ITIH5: variants seen among roughly 807,000 people sequenced by gnomAD.
ITIH5 encodes inter-alpha-trypsin inhibitor heavy chain H5.
A neutral mutation model predicts 77.5 loss-of-function variants in ITIH5; 65 were observed. The observed-to-expected ratio is 0.84, with a 90% CI of 0.69 to 1.03. The LOEUF (loss-of-function observed/expected upper bound fraction) is 1.03, where lower values mean the gene tolerates loss of function less well. Among genes scored for constraint, ITIH5 ranks in the 50% least tolerant of loss-of-function variants. The pLI, the probability that ITIH5 is intolerant of heterozygous loss-of-function variation, is 0.00. For missense variants in ITIH5, 1,208 were observed against 1,213.1 expected (o/e 1.00, Z 0.06); for synonymous variants, 525 against 494.3 (o/e 1.06, Z -0.82).
At chr10:7,573,673 CAA>C (rs35214432) in intron 10 of ITIH5, among the ~76,000 whole-genome samples, 1 of 109,768 alleles carries the variant, frequency 9.1e-6, no homozygotes, top group Non-Finnish European at 1.7e-5. Flanking sequence ...GAGACTGTCT[CAA>C]AAAAAAAAAA....
In ITIH5 at chr10:7,579,973, G is replaced by T. The variant is rs762123197; in HGVS notation, c.1200C>A (p.Leu400=). Reference sequence around the variant, plus strand: ...GCTTCCCATCCGTCAGGAAGACGATGAGGGACACGCTCCGGTCTCCAATGC... The same window carrying T: ...GCTTCCCATCCGTCAGGAAGACGATTAGGGACACGCTCCGGTCTCCAATGC... ...HSGIGDRSVS[L]IVFLTDGKPT... The change falls in exon 9 of 14, where the codon CTC becomes CTA. Residue 400 remains leucine, a synonymous_variant. Coordinates refer to ENST00000397146, the MANE Select transcript of ITIH5 (RefSeq NM_030569.7). 1 of 1,614,186 alleles carries T rather than the reference G, an allele frequency of 6.2e-7. No individual in the cohort carries two copies. Among genetic ancestry groups the T allele is most frequent in the Non-Finnish European group, 8.5e-7 (1 of 1,180,024 alleles).
At chr10:7,610,935 G>A (rs1440358532) in intron 7 of ITIH5, among the ~76,000 whole-genome samples, 2 of 152,202 alleles carry the variant, frequency 1.3e-5, no homozygotes, top group African/African-American at 4.8e-5. Context: ...AAGGAAGAGG[G>A]GAGAATAACA....
Position 7,561,154 on chromosome 10 carries a change from T to C in ITIH5, c.*1929A>G, listed in dbSNP as rs1832033097. The C allele has an allele frequency of 6.6e-6, 1 of 152,256 alleles. No individual in the cohort carries two copies. The highest frequency in any genetic ancestry group is 2.1e-4 in the South Asian group (1 of 4,836). 9.4% of individuals were successfully genotyped at this position (152,256 alleles called of 1,614,324 possible). ...AAGCTCAACTTTGTTACTTATGTTT[T>C]TCTGAGCAAGCAAGTTAGCTATGGA... On this transcript the variant is annotated 3_prime_UTR_variant, in exon 14 of 14. Transcript: ENST00000397146.
chr10:7,644,752 C>CACATATCTATATCACATATATATCAT lies in ITIH5; in HGVS notation c.136-2663_136-2662insATGATATATATGTGATATAGATATGT, dbSNP rs1554757743. Among the ~76,000 whole-genome samples the CACATATCTATATCACATATATATCAT allele has an allele frequency of 6.6e-5, 8 of 121,110 alleles. 3 individuals carry two copies. Among genetic ancestry groups the CACATATCTATATCACATATATATCAT allele is most frequent in the African/African-American group, 1.2e-4 (3 of 26,022 alleles). 79.5% of individuals were successfully genotyped at this position (121,110 alleles called of 152,430 possible). On this transcript the variant is annotated intron_variant, in intron 2 of 13. Coordinates refer to ENST00000397146, the MANE Select transcript of ITIH5 (RefSeq NM_030569.7). Reference sequence around the variant, plus strand: ...ACATATCTATATCACATATATATCACATATATCACATATATATCATATATA... The same window carrying CACATATCTATATCACATATATATCAT: ...ACATATCTATATCACATATATATCACACATATCTATATCACATATATATCATATATATCACATATATATCATATATA...
At chr10:7,612,972 C>T (rs965565697) in intron 7 of ITIH5, among the ~76,000 whole-genome samples, 17 of 152,130 alleles carry the variant, frequency 1.1e-4, no homozygotes, top group African/African-American at 3.4e-4. Context: ...GGGCCGGGCG[C>T]GGTGGCTCAT....
At chr10:7,579,709 C>T (rs767987841) in intron 9 of ITIH5, 46 bp downstream of exon 9, 1 of 1,585,480 alleles carries the variant, frequency 6.3e-7, no homozygotes, top group African/African-American at 1.3e-5. Context: ...AGCCACCCCT[C>T]AGCCCCTCAA....
rs768036183 is a variant in ITIH5 at position 7,666,931 on chromosome 10, G to T, written c.-39C>A. On this transcript the variant is annotated 5_prime_UTR_variant, in exon 1 of 14. Coordinates refer to ENST00000397146, the MANE Select transcript of ITIH5 (RefSeq NM_030569.7). ...CGCGGGACGCTCGGGGACCCGGCGG[G>T]ACACGCTTTGCAGCGCCCAGGGCTC... is the stretch of plus-strand genomic sequence containing the variant. The T allele has an allele frequency of 2.0e-6, 3 of 1,529,090 alleles. No individual in the cohort carries two copies. Among genetic ancestry groups the T allele is most frequent in the Non-Finnish European group, 1.8e-6 (2 of 1,128,596 alleles). 94.7% of individuals were successfully genotyped at this position (1,529,090 alleles called of 1,614,324 possible).
intron 5 of ITIH5, among the ~76,000 whole-genome samples, chr10:7,624,010 T>C (rs778420374): frequency 6.6e-6 from 1 of 152,138 alleles, no homozygotes; most frequent in Non-Finnish European, 1.5e-5. Flanking sequence ...CTGTAGTATT[T>C]TATAGTTAAG....
intron 1 of ITIH5, among the ~76,000 whole-genome samples, chr10:7,661,811 C>T (rs947223066): frequency 6.6e-6 from 1 of 152,128 alleles, no homozygotes; most frequent in African/African-American, 2.4e-5. Flanking sequence ...GGTGATCCTC[C>T]CACCTCAGCC....
chr10:7,569,010 C>CTTTTTTTTTTTTTTTTTT (rs5782983), intron 12 of ITIH5, among the ~76,000 whole-genome samples: 3 of 71,574 alleles, frequency 4.2e-5, no homozygotes, highest in Non-Finnish European at 5.4e-5. Flanking sequence ...TTTTCTTTTT[C>CTTTTTTTTTTTTTTTTTT]TTTTTTTTTT....
intron 2 of ITIH5, among the ~76,000 whole-genome samples, chr10:7,647,705 C>T (rs1008713595): frequency 1.3e-5 from 2 of 152,148 alleles, no homozygotes; most frequent in Non-Finnish European, 2.9e-5. Flanking sequence ...CTGATCTTTA[C>T]ACACTTTGTT....
chr10:7,642,011 C>G lies in ITIH5; in HGVS notation c.215G>C (p.Arg72Thr). The change falls in exon 3 of 14, where the codon AGA becomes ACA. Residue 72 changes from arginine to threonine, a missense_variant. By Grantham distance (71) the Arg-to-Thr change is moderately conservative. Coordinates refer to ENST00000397146, the MANE Select transcript of ITIH5 (RefSeq NM_030569.7). The stretch of plus-strand genomic sequence containing the variant: ...GTCTTCAGAAGCTCTGTTCAGCATT[C>G]TGCAGGAAACCGTAGTGAAGGCATA... ...SRYAFTTVSC[R>T]MLNRASEDQD... 6.2e-7 allele frequency: 1 copy of G among 1,614,122 alleles called. No individual in the cohort carries two copies.
intron 7 of ITIH5, among the ~76,000 whole-genome samples, chr10:7,612,790 A>T (rs1166374553): frequency 1.3e-5 from 2 of 152,192 alleles, no homozygotes; most frequent in African/African-American, 4.8e-5. Context: ...TTCAAAATCC[A>T]AATGGCAATT....
chr10:7,649,542 A>G (rs554939824), intron 2 of ITIH5, among the ~76,000 whole-genome samples: 9 of 152,190 alleles, frequency 5.9e-5, no homozygotes, highest in Middle Eastern at 6.8e-3. Flanking sequence ...AGGTAGGTAG[A>G]TAGATAGATA....
rs774982548 is a variant in ITIH5, at chr10:7,637,325, C to T, written c.555G>A (p.Leu185=). 2.5e-6 allele frequency: 4 copies of T among 1,613,970 alleles called. No homozygotes were observed. The highest frequency in any genetic ancestry group is 2.5e-6 in the Non-Finnish European group (3 of 1,180,050). The part of the protein sequence containing the change: ...SVRPQQLSGR[L]SVDVNILESA... ...TCTCCAGGATATTCACGTCCACGCT[C>T]AGCCTCCCGGACAGCTGCTGGGGCC... Residue 185 remains leucine (L), a synonymous_variant, in exon 5 of 14, where the codon CTG becomes CTA. Transcript: ENST00000397146.
At chr10:7,602,695 T>C (rs1427897446) in intron 7 of ITIH5, among the ~76,000 whole-genome samples, 1 of 152,232 alleles carries the variant, frequency 6.6e-6, no homozygotes, top group Non-Finnish European at 1.5e-5. Context: ...TATTTCTTCA[T>C]AGCAGTGTGA....
At chr10:7,638,486 A>G (rs905078543) in intron 4 of ITIH5, among the ~76,000 whole-genome samples, 3 of 152,240 alleles carry the variant, frequency 2.0e-5, no homozygotes, top group Non-Finnish European at 4.4e-5. Context: ...TGTATCATCA[A>G]TACTACTGGA....
At chr10:7,564,416 T>C (rs1832099577) in intron 13 of ITIH5, among the ~76,000 whole-genome samples, 1 of 152,220 alleles carries the variant, frequency 6.6e-6, no homozygotes, top group African/African-American at 2.4e-5. Flanking sequence ...ACTGAAAATA[T>C]GATGGTGGTC....
chr10:7,631,740 G>T (rs572244423), intron 5 of ITIH5, among the ~76,000 whole-genome samples: 1 of 151,786 alleles, frequency 6.6e-6, no homozygotes, highest in East Asian at 1.9e-4. Context: ...AGGATCTAAA[G>T]TCAGAGTAAT....
Sources: allele counts gnomAD v4.1 joint callset (sites outside exome capture counted in the v4.1 genomes callset), GRCh38; gene constraint gnomAD v4.1.1; transcripts MANE v1.5; gene names NCBI Gene and HGNC (gene_info 2026-07-23, HGNC 2026-07-21).